TCERG1L: variants seen among roughly 807,000 people sequenced by gnomAD.
TCERG1L encodes transcription elongation regulator 1 like.
In TCERG1L, 37 loss-of-function variants were observed where a neutral mutation model predicts 56.3. That is an observed-to-expected ratio of 0.66 (90% CI 0.51 to 0.87). The LOEUF (loss-of-function observed/expected upper bound fraction) is 0.87, where lower values mean the gene tolerates loss of function less well. Among genes scored for constraint, TCERG1L ranks in the 40% least tolerant of loss-of-function variants. The pLI is 0.00. For missense variants in TCERG1L, 799 were observed against 774.2 expected (o/e 1.03, Z -0.38); for synonymous variants, 324 against 326.3 (o/e 0.99, Z 0.08).
chr10:131,164,908 G>A (rs968379111), intron 5 of TCERG1L, among the ~76,000 whole-genome samples: 1 of 152,192 alleles, frequency 6.6e-6, no homozygotes, highest in South Asian at 2.1e-4. Context: ...ACAGGAGGCT[G>A]GGGATGCTGT....
At chr10:131,129,739 A>G (rs188812857) in intron 8 of TCERG1L, among the ~76,000 whole-genome samples, 1 of 152,342 alleles carries the variant, frequency 6.6e-6, no homozygotes, top group East Asian at 1.9e-4. Context: ...GTATTAGTTC[A>G]TTCTCACACT....
chr10:131,169,107 A>G (rs550343933), intron 4 of TCERG1L, among the ~76,000 whole-genome samples: 1 of 152,332 alleles, frequency 6.6e-6, no homozygotes, highest in South Asian at 2.1e-4. Context: ...AATTACTCCC[A>G]GAGCCCATTC....
rs1385578747 is a variant in TCERG1L, at chr10:131,190,792, C to T, written c.857-23907G>A. Among the ~76,000 whole-genome samples, 3 of 144,032 alleles carry T rather than the reference C, an allele frequency of 2.1e-5. 1 individual carries two copies. Among genetic ancestry groups the T allele is most frequent in the African/African-American group, 7.9e-5 (3 of 38,186 alleles). The allele number at this position is 144,032 out of a possible 152,430, so 94.5% of individuals were successfully genotyped here. ...AATAGGGAAAGGCTGAAAGCATTCT[C>T]CCTGAGAACAAGAACAAGATAAGGA... On this transcript the variant is annotated intron_variant, in intron 4 of 11. Transcript: ENST00000368642.
At chr10:131,298,677 G>A (rs571379422) in intron 3 of TCERG1L, among the ~76,000 whole-genome samples, 59 of 152,318 alleles carry the variant, frequency 3.9e-4, no homozygotes, top group Non-Finnish European at 8.1e-4. Flanking sequence ...GCCTCCCAAA[G>A]TGCTGGGATT....
At chr10:131,139,711 TC>T (rs1238749404) in intron 7 of TCERG1L, among the ~76,000 whole-genome samples, 2 of 151,326 alleles carry the variant, frequency 1.3e-5, no homozygotes, top group African/African-American at 4.9e-5. Context: ...TGTGTGTGTG[TC>T]TGTGTGTATG....
chr10:131,309,849 A>AAAAAAAAAAAC lies in TCERG1L; in HGVS notation c.343-561_343-551dup, dbSNP rs1846863127. ...GATTCTATGGCAAAAAAAAAAAAAA[A>AAAAAAAAAAAC]AAAAAAAAAACTAAGCATCTTCTAA... is the stretch of plus-strand genomic sequence containing the variant. On this transcript the variant is annotated intron_variant, in intron 1 of 11. Coordinates refer to ENST00000368642, the MANE Select transcript of TCERG1L (RefSeq NM_174937.4). 3.3e-5 allele frequency among the ~76,000 whole-genome samples: 5 copies of AAAAAAAAAAAC among 149,864 alleles called. 1 individual carries two copies. The highest frequency in any genetic ancestry group is 3.2e-3 in the Middle Eastern group (1 of 312).
chr10:131,201,853 C>T (rs370464445), intron 4 of TCERG1L, among the ~76,000 whole-genome samples: 2 of 152,128 alleles, frequency 1.3e-5, no homozygotes, highest in Non-Finnish European at 2.9e-5. Flanking sequence ...TCTTTTACCC[C>T]ACGTCCACCA....
intron 3 of TCERG1L, among the ~76,000 whole-genome samples, chr10:131,297,030 A>C (rs557308224): frequency 7.9e-5 from 12 of 152,254 alleles, no homozygotes; most frequent in African/African-American, 2.9e-4. Flanking sequence ...CTGCACATAG[A>C]GACAGTTTTG....
chr10:131,236,842 T>C (rs1262268341), intron 4 of TCERG1L, among the ~76,000 whole-genome samples: 1 of 152,054 alleles, frequency 6.6e-6, no homozygotes, highest in Non-Finnish European at 1.5e-5. Flanking sequence ...TCATCTAGTC[T>C]AGGTGCTTTC....
intron 4 of TCERG1L, among the ~76,000 whole-genome samples, chr10:131,168,059 C>G (rs1212767634): frequency 2.0e-5 from 3 of 152,180 alleles, no homozygotes; most frequent in Non-Finnish European, 4.4e-5. Flanking sequence ...TGATCCAGAG[C>G]TCAAGACTGG....
intron 4 of TCERG1L, among the ~76,000 whole-genome samples, chr10:131,253,930 G>A (rs1304187656): frequency 6.6e-6 from 1 of 152,150 alleles, no homozygotes; most frequent in African/African-American, 2.4e-5. Context: ...AATTGACACC[G>A]AAGAGAATTG....
intron 4 of TCERG1L, among the ~76,000 whole-genome samples, chr10:131,184,810 A>G (rs1320752571): frequency 6.6e-6 from 1 of 152,248 alleles, no homozygotes; most frequent in Admixed American, 6.5e-5. Flanking sequence ...CCCTCTTAGC[A>G]GGATCAACAC....
intron 6 of TCERG1L, chr10:131,156,130 C>T (rs990867114): frequency 1.3e-5 from 2 of 152,146 alleles, no homozygotes; most frequent in African/African-American, 4.8e-5. Context: ...CCGCATCTCT[C>T]GTAATCACCA....
intron 3 of TCERG1L, among the ~76,000 whole-genome samples, chr10:131,305,488 A>G (rs898377466): frequency 5.9e-5 from 9 of 152,060 alleles, no homozygotes; most frequent in Non-Finnish European, 1.2e-4. Context: ...AGAGATTCCA[A>G]CTTAGCTCAA....
intron 3 of TCERG1L, among the ~76,000 whole-genome samples, chr10:131,288,425 A>C (rs3937595): frequency 6.6e-6 from 1 of 151,836 alleles, no homozygotes; most frequent in African/African-American, 2.4e-5. Flanking sequence ...GGTCACGTGG[A>C]TGCAGACCTT....
chr10:131,266,817 G>C (rs997720562), intron 3 of TCERG1L, among the ~76,000 whole-genome samples: 1 of 152,124 alleles, frequency 6.6e-6, no homozygotes, highest in Non-Finnish European at 1.5e-5. Context: ...TACATCTGCT[G>C]CTCTCTGCAG....
At chr10:131,286,020 C>G (rs992737176) in intron 3 of TCERG1L, among the ~76,000 whole-genome samples, 1 of 152,112 alleles carries the variant, frequency 6.6e-6, no homozygotes, top group Non-Finnish European at 1.5e-5. Flanking sequence ...ACTGAAAGTT[C>G]TAGATAATCA....
chr10:131,138,530 A>G (rs2133407953), intron 7 of TCERG1L, among the ~76,000 whole-genome samples: 1 of 152,360 alleles, frequency 6.6e-6, no homozygotes, highest in South Asian at 2.1e-4. Context: ...AAAAAACTCA[A>G]AAGCATGCAA....
At chr10:131,185,865 C>A (rs1436597443) in intron 4 of TCERG1L, among the ~76,000 whole-genome samples, 2 of 152,138 alleles carry the variant, frequency 1.3e-5, no homozygotes, top group Non-Finnish European at 1.5e-5. Flanking sequence ...GATCTATACC[C>A]AAAAGAATTG....
Sources: allele counts gnomAD v4.1 joint callset (sites outside exome capture counted in the v4.1 genomes callset), GRCh38; gene constraint gnomAD v4.1.1; transcripts MANE v1.5; gene names NCBI Gene and HGNC (gene_info 2026-07-23, HGNC 2026-07-21).